The following PCDH9 variants were observed in gnomAD, a reference collection of about 807,000 sequenced individuals.
PCDH9 encodes the protein protocadherin 9.
PCDH9 carries 24 observed loss-of-function variants against 70.6 expected under a neutral mutation model. That is an observed-to-expected ratio of 0.34 (90% CI 0.25 to 0.48). The LOEUF is 0.48. Among genes scored for constraint, PCDH9 ranks in the 20% least tolerant of loss-of-function variants. PCDH9 has a pLI of 0.99. For missense variants in PCDH9, 1,281 were observed against 1,503.6 expected (o/e 0.85, Z 2.45); for synonymous variants, 562 against 558.5 (o/e 1.01, Z -0.09).
At chr13:66,736,224 C>G (rs2079146476) in intron 3 of PCDH9, among the ~76,000 whole-genome samples, 1 of 152,024 alleles carries the variant, frequency 6.6e-6, no homozygotes, top group African/African-American at 2.4e-5. Context: ...AAGCCCTAAC[C>G]CCCCATAGCT....
intron 3 of PCDH9, among the ~76,000 whole-genome samples, chr13:66,712,397 T>C (rs1025566993): frequency 1.3e-5 from 2 of 152,112 alleles, no homozygotes; most frequent in African/African-American, 4.8e-5. Flanking sequence ...TTGATAGTCA[T>C]TAAAATTCAA....
intron 3 of PCDH9, among the ~76,000 whole-genome samples, chr13:66,758,749 T>G (rs79492885): frequency 1.5e-4 from 23 of 152,170 alleles, no homozygotes; most frequent in Non-Finnish European, 2.2e-4. Flanking sequence ...GCCGTCAAAT[T>G]CTGAGCTTTT....
intron 4 of PCDH9, among the ~76,000 whole-genome samples, chr13:66,326,318 G>C (rs7986059): frequency 0.63 from 94,709 of 150,402 alleles, 30,659 homozygotes; most frequent in Non-Finnish European, 0.72. Context: ...ATGGAGTCAT[G>C]TATTTTATAT....
chr13:67,228,416 A>G lies in PCDH9; in HGVS notation c.25T>C (p.Leu9=), dbSNP rs1566515951. 6.3e-7 allele frequency: 1 copy of G among 1,591,708 alleles called. No homozygotes were observed. The highest frequency in any genetic ancestry group is 2.2e-5 in the East Asian group (1 of 44,652). ...CTTAAACAGGCAATCAGAGCAGCCA[A>G]CAGGTAAAAATCCCTCAGGTCCATG... MDLRDFYL[L]AALIACLRLD... The change falls in exon 2 of 5, where the codon TTG becomes CTG. Residue 9 remains leucine (L), a synonymous_variant. Transcript: ENST00000377865.
intron 3 of PCDH9, among the ~76,000 whole-genome samples, chr13:66,869,106 C>CT (rs1649134640): frequency 6.6e-6 from 1 of 152,080 alleles, no homozygotes; most frequent in Admixed American, 6.6e-5. Flanking sequence ...CATTCAGTAT[C>CT]TTTTCTCAGT....
chr13:66,446,003 C>G (rs1225249358), intron 4 of PCDH9, among the ~76,000 whole-genome samples: 1 of 151,616 alleles, frequency 6.6e-6, no homozygotes, highest in Non-Finnish European at 1.5e-5. Flanking sequence ...AAATTTCCTG[C>G]AAACTTGTCT....
At chr13:67,163,396 TCAAA>T (rs1217707292) in intron 2 of PCDH9, among the ~76,000 whole-genome samples, 8 of 152,246 alleles carry the variant, frequency 5.3e-5, no homozygotes, top group African/African-American at 1.7e-4. Context: ...ACCTCATTTG[TCAAA>T]CAAAGTTATT....
Position 66,718,883 on chromosome 13 carries a change from G to A in PCDH9, c.3139-87472C>T, listed in dbSNP as rs533721873. 4.1e-4 allele frequency among the ~76,000 whole-genome samples: 63 copies of A among 152,280 alleles called. 1 individual carries two copies. The highest frequency in any genetic ancestry group is 3.4e-3 in the Middle Eastern group (1 of 294). ...TCCTTAGTAGTACCTGGCTTGCAGC[G>A]TGGACCAGACACTCCAGAACCACAG... On this transcript the variant is annotated intron_variant, in intron 3 of 4. Coordinates refer to ENST00000377865, the MANE Select transcript of PCDH9 (RefSeq NM_203487.3).
intron 3 of PCDH9, among the ~76,000 whole-genome samples, chr13:66,753,789 G>A (rs1594010777): frequency 1.3e-5 from 2 of 152,068 alleles, no homozygotes; most frequent in African/African-American, 4.8e-5. Context: ...ACTTCTTTAA[G>A]TACTAGGTAT....
intron 4 of PCDH9, among the ~76,000 whole-genome samples, chr13:66,387,066 G>A (rs922309401): frequency 6.6e-6 from 1 of 152,010 alleles, no homozygotes; most frequent in African/African-American, 2.4e-5. Context: ...ACACTCTAAG[G>A]ATAATATACC....
chr13:66,841,721 G>A (rs1594133412), intron 3 of PCDH9, among the ~76,000 whole-genome samples: 1 of 152,104 alleles, frequency 6.6e-6, no homozygotes, highest in Non-Finnish European at 1.5e-5. Context: ...TTTGACAAAT[G>A]TTAATGGAAA....
At chr13:66,925,639 G>A (rs892867091) in intron 2 of PCDH9, among the ~76,000 whole-genome samples, 1 of 151,538 alleles carries the variant, frequency 6.6e-6, no homozygotes, top group Non-Finnish European at 1.5e-5. Flanking sequence ...TATTCATATT[G>A]CATATTAAAT....
chr13:66,527,561 G>A (rs1490814321), intron 4 of PCDH9, among the ~76,000 whole-genome samples: 1 of 151,828 alleles, frequency 6.6e-6, no homozygotes, highest in Non-Finnish European at 1.5e-5. Flanking sequence ...TGTTTTTTTG[G>A]ACTGCCTAAT....
rs1017379408 is a variant in PCDH9 at position 66,885,090 on chromosome 13, C to T, written c.3138+18414G>A. Among the ~76,000 whole-genome samples the T allele has an allele frequency of 5.3e-5, 8 of 152,104 alleles. No individual in the cohort carries two copies. In the South Asian group the frequency reaches 8.3e-4, roughly 16 times the overall value. On this transcript the variant is annotated intron_variant, in intron 3 of 4. Coordinates refer to ENST00000377865, the MANE Select transcript of PCDH9 (RefSeq NM_203487.3). ...ACTTTTGCTATCTCATTTGCCTAGACGGTACTACTCCCATGATATTTTTTT... is the reference window on the plus strand; with the variant it reads ...ACTTTTGCTATCTCATTTGCCTAGATGGTACTACTCCCATGATATTTTTTT...
intron 4 of PCDH9, among the ~76,000 whole-genome samples, chr13:66,580,798 A>G (rs1225513452): frequency 6.6e-6 from 1 of 152,084 alleles, no homozygotes; most frequent in East Asian, 1.9e-4. Flanking sequence ...AATAAGCTCA[A>G]TAATTGCCAC....
rs181344239 is a variant in PCDH9, at chr13:66,580,889, T to C, written c.3340+50321A>G. 3.2e-3 allele frequency among the ~76,000 whole-genome samples: 492 copies of C among 152,212 alleles called. 1 individual carries two copies. The highest frequency in any genetic ancestry group is 0.014 in the Middle Eastern group (4 of 294). On this transcript the variant is annotated intron_variant, in intron 4 of 4. Coordinates refer to ENST00000377865, the MANE Select transcript of PCDH9 (RefSeq NM_203487.3). ...GAACAATCTGAACAGGAGAGGAAGA[T>C]AGAAGTAACTATGAAAGATTACAGA... is the stretch of plus-strand genomic sequence containing the variant.
At chr13:67,215,833 C>G (rs1238373272) in intron 2 of PCDH9, 3 of 152,192 alleles carry the variant, frequency 2.0e-5, no homozygotes, top group Non-Finnish European at 2.9e-5. Flanking sequence ...TAAGTTCACT[C>G]TTTTCAGCAC....
intron 4 of PCDH9, among the ~76,000 whole-genome samples, chr13:66,541,193 A>G (rs1440973877): frequency 6.6e-6 from 1 of 152,126 alleles, no homozygotes; most frequent in Non-Finnish European, 1.5e-5. Context: ...AAAATGGGGC[A>G]TTCCCTCTTT....
intron 2 of PCDH9, among the ~76,000 whole-genome samples, chr13:67,082,171 G>C (rs1486275511): frequency 1.3e-5 from 2 of 152,104 alleles, no homozygotes; most frequent in Non-Finnish European, 2.9e-5. Flanking sequence ...GTTAGCTATA[G>C]GCAATACAGT....
Sources: allele counts gnomAD v4.1 joint callset (sites outside exome capture counted in the v4.1 genomes callset), GRCh38; gene constraint gnomAD v4.1.1; transcripts MANE v1.5; gene names NCBI Gene and HGNC (gene_info 2026-07-23, HGNC 2026-07-21).